The following FANCI variants were observed in gnomAD, a reference collection of about 807,000 sequenced individuals.
FANCI encodes FA complementation group I, also known as Fanconi anemia group I protein.
Under a neutral mutation model 176.1 loss-of-function variants are expected in FANCI, and 156 were observed. The ratio of observed to expected loss-of-function variants is 0.89; its 90% CI spans 0.78 to 1.01. FANCI has a LOEUF of 1.01. Among genes scored for constraint, FANCI ranks in the 50% least tolerant of loss-of-function variants. The probability of loss-of-function intolerance (pLI) is 0.00; values close to 1 mark genes in which losing one functional copy is unlikely to be tolerated. For missense variants in FANCI, 1,678 were observed against 1,534.1 expected, an observed-to-expected ratio of 1.09 and a Z score of -1.57; for synonymous variants, 613 against 541.7, an observed-to-expected ratio of 1.13 and a Z score of -1.83.
intron 24 of FANCI, among the ~76,000 whole-genome samples, chr15:89,298,512 T>C (rs981137982): frequency 8.5e-5 from 13 of 152,148 alleles, no homozygotes; most frequent in Admixed American, 6.5e-5. Context: ...CAGTTAGTGA[T>C]TTAAAAATCT....
rs372446611 is a variant in FANCI, at chr15:89,303,820, A to G, written c.3007-44A>G. The G allele has an allele frequency of 6.4e-6, 10 of 1,559,658 alleles. No individual in the cohort carries two copies. The Admixed American group carries it at 6.7e-5, about 10-fold the overall frequency. ...TTCTGTTCTGACAACACCTAGGTCT[A>G]TCTCTGGCATGTTTCTTTAATATCT... On this transcript the variant is annotated intron_variant, in intron 27 of 37. Transcript: ENST00000310775.
At chr15:89,315,773 C>T (rs1596344416) in intron 37 of FANCI, among the ~76,000 whole-genome samples, 1 of 152,200 alleles carries the variant, frequency 6.6e-6, no homozygotes, top group African/African-American at 2.4e-5. Context: ...AGGCTTCTTC[C>T]TTCAATTCAT....
chr15:89,274,163 T>C lies in FANCI; in HGVS notation c.976-5T>C, dbSNP rs775680372. Reference sequence around the variant, plus strand: ...TTTCATTTATTTTTATTAACTATACTCAAGGTGCTTGATCTTTTAAAGACT... The same window carrying C: ...TTTCATTTATTTTTATTAACTATACCCAAGGTGCTTGATCTTTTAAAGACT... On this transcript the variant is annotated splice_polypyrimidine_tract_variant and splice_region_variant and intron_variant, in intron 11 of 37. Coordinates refer to ENST00000310775, the MANE Select transcript of FANCI (RefSeq NM_001113378.2). The C allele has an allele frequency of 2.6e-6, 4 of 1,546,502 alleles. No individual in the cohort carries two copies. Among genetic ancestry groups the C allele is most frequent in the Admixed American group, 1.9e-5 (1 of 51,626 alleles).
intron 6 of FANCI, 38 bp from the exon 7 acceptor site, chr15:89,263,381 G>A (rs2052798634): frequency 6.3e-7 from 1 of 1,575,884 alleles, no homozygotes; most frequent in African/African-American, 1.3e-5. Context: ...ATCTAAATAA[G>A]TTGTAAAGAA....
At chr15:89,261,437 C>G (rs2052708298) in intron 4 of FANCI, 148 bp from the exon 5 acceptor site, 11 of 977,924 alleles carry the variant, frequency 1.1e-5, no homozygotes, top group East Asian at 2.4e-5. Flanking sequence ...ACGTACCAGA[C>G]AGAGCAGAAT....
At position 89,304,678 on chromosome 15, in the gene FANCI, G is replaced by A. The variant is rs77424341; in HGVS notation, c.3059-437G>A. The stretch of plus-strand genomic sequence containing the variant: ...GTAGTATGTGTAACACTGGGATGTT[G>A]TGCCTGAGACACGACAAGCTACCTC... On this transcript the variant is annotated intron_variant, in intron 28 of 37. Transcript: ENST00000310775. 3.6e-3 allele frequency among the ~76,000 whole-genome samples: 554 copies of A among 152,202 alleles called. 5 individuals are homozygous for A. The highest frequency in any genetic ancestry group is 0.013 in the African/African-American group (533 of 41,524).
intron 10 of FANCI, among the ~76,000 whole-genome samples, chr15:89,269,413 T>A (rs925167241): frequency 6.6e-6 from 1 of 152,152 alleles, no homozygotes; most frequent in Non-Finnish European, 1.5e-5. Flanking sequence ...GTTTTTTTTT[T>A]CCTCTGCTCC....
At chr15:89,301,713 A>G (rs2054530461) in intron 27 of FANCI, among the ~76,000 whole-genome samples, 1 of 151,078 alleles carries the variant, frequency 6.6e-6, no homozygotes, top group Non-Finnish European at 1.5e-5. Flanking sequence ...CACAGAAAGA[A>G]TCCTGTGTTG....
In FANCI at chr15:89,307,634, C is replaced by T; in HGVS notation, c.3613C>T (p.Leu1205=). Residue 1205 remains leucine (L), a synonymous_variant, in exon 34 of 38, where the codon CTG becomes TTG. Coordinates refer to ENST00000310775, the MANE Select transcript of FANCI (RefSeq NM_001113378.2). The stretch of plus-strand genomic sequence containing the variant: ...GCAGGTGAAGCTGTCTGGTTCTCAT[C>T]TGACCCCCCTGTGTTATTCTTTCAT... The part of the protein sequence containing the change: ...EKLVKLSGSH[L]TPLCYSFISY... 6.2e-7 allele frequency: 1 copy of T among 1,614,194 alleles called. No individual in the cohort carries two copies. The highest frequency in any genetic ancestry group is 1.1e-5 in the South Asian group (1 of 91,086).
Position 89,247,740 on chromosome 15 carries a change from T to TTC in FANCI, c.84+9_84+10insTC. Reference sequence around the variant, plus strand: ...CCCTGAGAGAAGGTGATGTGAGTATTAGGAAGCATGTTCTGCTAAAAGTAA... The same window carrying TTC: ...CCCTGAGAGAAGGTGATGTGAGTATTTCAGGAAGCATGTTCTGCTAAAAGTAA... On this transcript the variant is annotated intron_variant, in intron 2 of 37. Coordinates refer to ENST00000310775, the MANE Select transcript of FANCI (RefSeq NM_001113378.2). 6.2e-7 allele frequency: 1 copy of TTC among 1,612,332 alleles called. No homozygotes were observed. The highest frequency in any genetic ancestry group is 8.5e-7 in the Non-Finnish European group (1 of 1,178,504).
intron 12 of FANCI, among the ~76,000 whole-genome samples, chr15:89,274,954 G>A (rs886620411): frequency 6.6e-6 from 1 of 151,904 alleles, no homozygotes; most frequent in Non-Finnish European, 1.5e-5. Flanking sequence ...GCCCAGGCTG[G>A]AGTGCAATGG....
chr15:89,287,403 T>G (rs906508451), intron 18 of FANCI, among the ~76,000 whole-genome samples: 9 of 152,248 alleles, frequency 5.9e-5, no homozygotes, highest in African/African-American at 2.2e-4. Flanking sequence ...GTTTGGTCCT[T>G]GCTCTGGATT....
chr15:89,249,355 C>T (rs2052134376), intron 2 of FANCI, among the ~76,000 whole-genome samples: 1 of 152,120 alleles, frequency 6.6e-6, no homozygotes, highest in South Asian at 2.1e-4. Flanking sequence ...CAGTATTTAA[C>T]TTTATTTATT....
intron 14 of FANCI, 95 bp from the exon 15 acceptor site, chr15:89,281,075 A>T: frequency 7.5e-7 from 1 of 1,337,230 alleles, no homozygotes; most frequent in South Asian, 1.2e-5. Context: ...TTGAGAAAGG[A>T]AACAAAAGAC....
chr15:89,313,054 A>C, intron 35 of FANCI, 82 bp downstream of exon 35: 1 of 1,292,406 alleles, frequency 7.7e-7, no homozygotes, highest in Admixed American at 1.7e-5. Flanking sequence ...TGACAAAAAG[A>C]CCACGTGTTG....
At chr15:89,273,338 A>T in intron 10 of FANCI, 39 bp from the exon 11 acceptor site, 6 of 956,544 alleles carry the variant, frequency 6.3e-6, no homozygotes, top group Non-Finnish European at 9.9e-6. Context: ...AAAAAAGAAA[A>T]TGTAAGTAAA....
chr15:89,248,875 C>G (rs2052105376), intron 2 of FANCI, among the ~76,000 whole-genome samples: 3 of 151,888 alleles, frequency 2.0e-5, no homozygotes, highest in Non-Finnish European at 4.4e-5. Flanking sequence ...CTCTGAAGTC[C>G]TTTTAGAATC....
intron 18 of FANCI, 108 bp from the exon 19 acceptor site, chr15:89,290,105 G>C: frequency 9.8e-6 from 9 of 914,148 alleles, no homozygotes; most frequent in Non-Finnish European, 1.6e-5. Context: ...GGTCTCAATA[G>C]GAAAAAACTG....
At position 89,312,932 on chromosome 15, in the gene FANCI, G is replaced by C. The variant is rs1246227257; in HGVS notation, c.3680G>C (p.Gly1227Ala). 2.5e-6 allele frequency: 4 copies of C among 1,613,920 alleles called. No individual in the cohort carries two copies. The highest frequency in any genetic ancestry group is 3.4e-6 in the Non-Finnish European group (4 of 1,179,924). ...AAGAGTAAGAGCCTGAACTATACGGGAGAGAAAAAGGAGAAACCTGCTGCC... is the reference window on the plus strand; with the variant it reads ...AAGAGTAAGAGCCTGAACTATACGGCAGAGAAAAAGGAGAAACCTGCTGCC... ...QNKSKSLNYT[G>A]EKKEKPAAVA... The change falls in exon 35 of 38, where the codon GGA (glycine) becomes GCA (alanine). Residue 1227 changes from glycine to alanine, a missense_variant. Coordinates refer to ENST00000310775, the MANE Select transcript of FANCI (RefSeq NM_001113378.2).
Sources: allele counts gnomAD v4.1 joint callset (sites outside exome capture counted in the v4.1 genomes callset), GRCh38; gene constraint gnomAD v4.1.1; transcripts MANE v1.5; gene names NCBI Gene and HGNC (gene_info 2026-07-23, HGNC 2026-07-21).